The following GOLPH3L variants were observed in gnomAD, a reference collection of about 807,000 sequenced individuals.
The protein encoded by GOLPH3L is golgi phosphoprotein 3 like.
In GOLPH3L, 22 loss-of-function variants were observed where a neutral mutation model predicts 30.3. The ratio of observed to expected loss-of-function variants is 0.73; its 90% confidence interval spans 0.52 to 1.04. The LOEUF (loss-of-function observed/expected upper bound fraction) is 1.04, where lower values mean the gene tolerates loss of function less well. Ranked by LOEUF, GOLPH3L falls within the 50% of genes least tolerant of loss-of-function variation. The pLI is 0.00. For synonymous variants in GOLPH3L, 120 were observed against 128.2 expected (o/e 0.94, Z 0.43); for missense variants, 303 against 345.8 (o/e 0.88, Z 0.98).
intron 4 of GOLPH3L, among the ~76,000 whole-genome samples, chr1:150,656,646 T>C (rs1299856360): frequency 6.6e-6 from 1 of 152,152 alleles, no homozygotes; most frequent in Admixed American, 6.6e-5. Context: ...ATTCACAGAC[T>C]CTAACTCCTT....
intron 4 of GOLPH3L, among the ~76,000 whole-genome samples, chr1:150,658,286 C>G (rs1382423420): frequency 6.6e-6 from 1 of 152,216 alleles, no homozygotes; most frequent in Non-Finnish European, 1.5e-5. Flanking sequence ...TCGGGACAAC[C>G]AGTCGCAATG....
At chr1:150,685,769 G>T (rs1241634732) in intron 2 of GOLPH3L, among the ~76,000 whole-genome samples, 1 of 151,762 alleles carries the variant, frequency 6.6e-6, no homozygotes, top group Non-Finnish European at 1.5e-5. Context: ...TATTCAAGGA[G>T]GTGAAATTAT....
At chr1:150,671,936 C>T (rs1249472203) in intron 2 of GOLPH3L, among the ~76,000 whole-genome samples, 2 of 151,162 alleles carry the variant, frequency 1.3e-5, no homozygotes, top group Admixed American at 6.6e-5. Context: ...GAAAAATAGC[C>T]AGATATATAA....
intron 4 of GOLPH3L, among the ~76,000 whole-genome samples, chr1:150,651,195 T>TC (rs2101774830): frequency 6.6e-6 from 1 of 152,214 alleles, no homozygotes; most frequent in East Asian, 1.9e-4. Flanking sequence ...GCACCTGTAA[T>TC]CCCAGCTGCT....
At chr1:150,667,340 T>C (rs1650530657) in intron 2 of GOLPH3L, among the ~76,000 whole-genome samples, 1 of 152,192 alleles carries the variant, frequency 6.6e-6, no homozygotes, top group South Asian at 2.1e-4. Context: ...AGAGGACCTC[T>C]AATTCTATTT....
At chr1:150,689,884 C>G (rs973521464) in intron 2 of GOLPH3L, among the ~76,000 whole-genome samples, 2 of 151,978 alleles carry the variant, frequency 1.3e-5, no homozygotes, top group African/African-American at 4.8e-5. Flanking sequence ...GTGATTTGCC[C>G]GCCTCAAACC....
At chr1:150,682,622 TCAA>T (rs1557788151) in intron 2 of GOLPH3L, among the ~76,000 whole-genome samples, 2 of 49,810 alleles carry the variant, frequency 4.0e-5, no homozygotes, top group Admixed American at 2.6e-4. Flanking sequence ...AGACTCTTTC[TCAA>T]AAAAAAAAAA....
chr1:150,656,966 T>G (rs1217701157), intron 4 of GOLPH3L, among the ~76,000 whole-genome samples: 2 of 152,222 alleles, frequency 1.3e-5, no homozygotes, highest in Non-Finnish European at 2.9e-5. Context: ...AAGCTTCTTA[T>G]TCTGGCTCTA....
At chr1:150,673,709 G>A (rs1254001384) in intron 2 of GOLPH3L, among the ~76,000 whole-genome samples, 4 of 151,898 alleles carry the variant, frequency 2.6e-5, no homozygotes, top group African/African-American at 7.3e-5. Context: ...TGGGAGTACT[G>A]CCTGAGCTCG....
intron 2 of GOLPH3L, among the ~76,000 whole-genome samples, chr1:150,685,142 A>C (rs1358507625): frequency 6.6e-6 from 1 of 152,190 alleles, no homozygotes; most frequent in Non-Finnish European, 1.5e-5. Flanking sequence ...TTTCCTCCTT[A>C]ATATTTGAGG....
intron 4 of GOLPH3L, among the ~76,000 whole-genome samples, chr1:150,661,209 C>T (rs1424608742): frequency 6.6e-6 from 1 of 152,058 alleles, no homozygotes; most frequent in Admixed American, 6.5e-5. Context: ...GCCTGGACGA[C>T]AGAGCAAGAC....
chr1:150,694,132 T>C (rs1234510377), intron 2 of GOLPH3L: 1 of 447,782 alleles, frequency 2.2e-6, no homozygotes, highest in Non-Finnish European at 4.6e-6. Context: ...GTGCTGGGAT[T>C]ACAGGCGTGA....
chr1:150,656,788 C>A (rs587714527), intron 4 of GOLPH3L, among the ~76,000 whole-genome samples: 88 of 152,288 alleles, frequency 5.8e-4, no homozygotes, highest in African/African-American at 2.1e-3. Context: ...AATAATCTTA[C>A]TTGGCAAACC....
At chr1:150,680,407 A>G (rs932511588) in intron 2 of GOLPH3L, among the ~76,000 whole-genome samples, 1 of 152,122 alleles carries the variant, frequency 6.6e-6, no homozygotes, top group African/African-American at 2.4e-5. Flanking sequence ...TTTTTAAAGG[A>G]TTATACATTA....
Position 150,667,654 on chromosome 1 carries a change from C to T in GOLPH3L, c.184-3891G>A, listed in dbSNP as rs587673834. Reference sequence around the variant, plus strand: ...TGTCACCCAGGCTGGAGTGCAGTGGCGCAATCTCGGCTGACTGTAAGCTCC... The same window carrying T: ...TGTCACCCAGGCTGGAGTGCAGTGGTGCAATCTCGGCTGACTGTAAGCTCC... On this transcript the variant is annotated intron_variant, in intron 2 of 4. Transcript: ENST00000271732. 7.6e-3 allele frequency among the ~76,000 whole-genome samples: 1,123 copies of T among 147,880 alleles called. 7 individuals carry two copies. The highest frequency in any genetic ancestry group is 0.013 in the Non-Finnish European group (860 of 67,464).
chr1:150,664,059 C>T (rs1479726342), intron 2 of GOLPH3L, among the ~76,000 whole-genome samples: 1 of 151,850 alleles, frequency 6.6e-6, no homozygotes, highest in East Asian at 1.9e-4. Flanking sequence ...AATGCAGTGG[C>T]ATGATCATGG....
At chr1:150,689,458 T>C (rs908026373) in intron 2 of GOLPH3L, among the ~76,000 whole-genome samples, 16 of 152,220 alleles carry the variant, frequency 1.1e-4, no homozygotes, top group Admixed American at 2.6e-4. Context: ...AGATTCCTGA[T>C]TTCAACAGGA....
intron 2 of GOLPH3L, among the ~76,000 whole-genome samples, chr1:150,672,352 C>A (rs1045445594): frequency 6.6e-6 from 1 of 152,084 alleles, no homozygotes; most frequent in African/African-American, 2.4e-5. Context: ...GATGTAAATT[C>A]CTCTTTTACA....
chr1:150,694,246 A>G, intron 2 of GOLPH3L: 1 of 363,062 alleles, frequency 2.8e-6, no homozygotes, highest in South Asian at 2.1e-5. Context: ...TTATTTCTGT[A>G]AGGCAACTAA....
Sources: allele counts gnomAD v4.1 joint callset (sites outside exome capture counted in the v4.1 genomes callset), GRCh38; gene constraint gnomAD v4.1.1; transcripts MANE v1.5; gene names NCBI Gene and HGNC (gene_info 2026-07-23, HGNC 2026-07-21).